Variants in CUX1 observed in about 807,000 individuals in gnomAD.
CUX1 encodes cut like homeobox 1.
CUX1 carries 31 observed loss-of-function variants against 158.8 expected under a neutral mutation model. That is an observed-to-expected ratio of 0.20 (90% CI 0.15 to 0.26). The LOEUF is 0.26. Among genes scored for constraint, CUX1 ranks in the 10% least tolerant of loss-of-function variants. CUX1 has a pLI of 1.00. For missense variants in CUX1, 1,589 were observed against 2,014.6 expected, an observed-to-expected ratio of 0.79 and a Z score of 4.04; for synonymous variants, 879 against 862.1, an observed-to-expected ratio of 1.02 and a Z score of -0.34.
intron 1 of CUX1, among the ~76,000 whole-genome samples, chr7:101,865,673 G>A (rs1420916447): frequency 1.3e-5 from 2 of 152,222 alleles, no homozygotes; most frequent in African/African-American, 2.4e-5. Flanking sequence ...TGTGAACGCC[G>A]AAGGGTGTGC....
intron 1 of CUX1, among the ~76,000 whole-genome samples, chr7:101,840,983 T>G (rs1475733355): frequency 6.6e-6 from 1 of 152,066 alleles, no homozygotes. Flanking sequence ...AACCTCTGCC[T>G]CCCGGGTTCA....
intron 20 of CUX1, among the ~76,000 whole-genome samples, chr7:102,219,165 T>A (rs782514001): frequency 6.6e-6 from 1 of 151,778 alleles, no homozygotes; most frequent in Non-Finnish European, 1.5e-5. Context: ...GAGTTCATCT[T>A]ATCCTATTCT....
chr7:102,076,388 T>G (rs1008559445), intron 4 of CUX1, among the ~76,000 whole-genome samples: 2 of 146,204 alleles, frequency 1.4e-5, no homozygotes, highest in African/African-American at 4.9e-5. Context: ...GTCTAAAAAA[T>G]AAATAAAATT....
At chr7:102,005,874 A>G (rs1817301384) in intron 2 of CUX1, among the ~76,000 whole-genome samples, 3 of 152,204 alleles carry the variant, frequency 2.0e-5, no homozygotes, top group African/African-American at 7.2e-5. Context: ...GCAGCTCATT[A>G]GCATCCCAGG....
chr7:101,928,859 A>G, intron 2 of CUX1, among the ~76,000 whole-genome samples: 1 of 149,062 alleles, frequency 6.7e-6, no homozygotes, highest in East Asian at 2.0e-4. Context: ...TTTAGTAGAG[A>G]CGGGGTTTCA....
In CUX1 at chr7:101,836,832, C is replaced by T. The variant is rs556862916; in HGVS notation, c.30+19163C>T. On this transcript the variant is annotated intron_variant, in intron 1 of 23. Coordinates refer to ENST00000292535, the MANE Select transcript of CUX1 (RefSeq NM_181552.4). ...GAGAAGAGGCTGCCCCCACCTGCTA[C>T]CATCATCCCAGCATGGGTGCGGTGG... 5.9e-5 allele frequency among the ~76,000 whole-genome samples: 9 copies of T among 152,254 alleles called. No homozygotes were observed. In the East Asian group the frequency reaches 1.7e-3, roughly 29 times the overall value.
intron 3 of CUX1, among the ~76,000 whole-genome samples, chr7:102,041,868 C>T (rs1170478615): frequency 6.6e-6 from 1 of 151,996 alleles, no homozygotes; most frequent in Non-Finnish European, 1.5e-5. Context: ...GGGATTTTGC[C>T]ATGTTGGCCA....
In CUX1 at chr7:101,914,601, C is replaced by T. The variant is rs186548669; in HGVS notation, c.31-1514C>T. On this transcript the variant is annotated intron_variant, in intron 1 of 23. Transcript: ENST00000292535. Reference sequence around the variant, plus strand: ...GCAACCTCTGCCTCCCCGGTTCAAGCGATTCTCTTGCCTCAGCCTCCTGAG... The same window carrying T: ...GCAACCTCTGCCTCCCCGGTTCAAGTGATTCTCTTGCCTCAGCCTCCTGAG... 4.3e-3 allele frequency among the ~76,000 whole-genome samples: 649 copies of T among 151,782 alleles called. 6 individuals are homozygous for T. Among genetic ancestry groups the T allele is most frequent in the African/African-American group, 0.015 (630 of 41,378 alleles).
intron 2 of CUX1, among the ~76,000 whole-genome samples, chr7:102,005,687 C>G (rs758557766): frequency 2.6e-5 from 4 of 152,086 alleles, no homozygotes; most frequent in Admixed American, 6.6e-5. Flanking sequence ...AAAGCTTCAC[C>G]CCACTGATGC....
At chr7:102,131,605 A>G (rs1028092533) in intron 8 of CUX1, among the ~76,000 whole-genome samples, 4 of 151,950 alleles carry the variant, frequency 2.6e-5, no homozygotes, top group Non-Finnish European at 5.9e-5. Flanking sequence ...AGAAGCCAGT[A>G]GAATCAGAGC....
At chr7:102,088,186 C>T (rs983872697) in intron 4 of CUX1, among the ~76,000 whole-genome samples, 2 of 151,950 alleles carry the variant, frequency 1.3e-5, no homozygotes, top group African/African-American at 4.8e-5. Flanking sequence ...TTAGTAGAGA[C>T]GGGGTTTCTC....
At chr7:101,863,184 A>G (rs1797634151) in intron 1 of CUX1, among the ~76,000 whole-genome samples, 1 of 152,146 alleles carries the variant, frequency 6.6e-6, no homozygotes, top group Non-Finnish European at 1.5e-5. Context: ...GAAAAATGAC[A>G]AAGATTCATC....
In CUX1 at chr7:102,109,442, T is replaced by C. The variant is rs940175200; in HGVS notation, c.531-2256T>C. Among the ~76,000 whole-genome samples, 10 of 152,154 alleles carry C rather than the reference T, an allele frequency of 6.6e-5. No individual in the cohort carries two copies. The East Asian group carries it at 9.6e-4, about 15-fold the overall frequency. On this transcript the variant is annotated intron_variant, in intron 6 of 23. Transcript: ENST00000292535. ...ACACTTACATATTGTTGGTGGGAGTTTAAATTGGTGAAAGTTTTTTGTTGG... is the reference window on the plus strand; with the variant it reads ...ACACTTACATATTGTTGGTGGGAGTCTAAATTGGTGAAAGTTTTTTGTTGG...
chr7:102,260,227 GC>G (rs782639423), downstream of CUX1, among the ~76,000 whole-genome samples: 2 of 150,798 alleles, frequency 1.3e-5, no homozygotes, highest in Non-Finnish European at 3.0e-5. Context: ...CTCCCAAGTA[GC>G]TGGGACCACA....
intron 3 of CUX1, among the ~76,000 whole-genome samples, chr7:102,068,775 G>A (rs1236035741): frequency 6.6e-6 from 1 of 152,220 alleles, no homozygotes; most frequent in East Asian, 1.9e-4. Context: ...CTTTGCCTGA[G>A]CCAGTATGAC....
At chr7:102,115,595 C>T (rs992824273) in intron 8 of CUX1, 2 of 236,882 alleles carry the variant, frequency 8.4e-6, no homozygotes, top group African/African-American at 2.3e-5. Flanking sequence ...ATGTCTTTTT[C>T]GCTGGGCCAC....
intron 3 of CUX1, among the ~76,000 whole-genome samples, chr7:102,033,944 G>A (rs1473355579): frequency 2.0e-5 from 3 of 151,884 alleles, no homozygotes; most frequent in East Asian, 1.9e-4. Context: ...TTGGGAGATC[G>A]AGACCAGCCT....
At position 102,250,898 on chromosome 7, in the gene CUX1, C is replaced by T; in HGVS notation, c.*1856C>T. On this transcript the variant is annotated 3_prime_UTR_variant, in exon 24 of 24. Coordinates refer to ENST00000292535, the MANE Select transcript of CUX1 (RefSeq NM_181552.4). ...TAAGCTGTTTTATCAGTTACGGCTTCTACAAGTTTGCTAATTTAGACTTCT... is the reference window on the plus strand; with the variant it reads ...TAAGCTGTTTTATCAGTTACGGCTTTTACAAGTTTGCTAATTTAGACTTCT... 1.0e-6 allele frequency: 1 copy of T among 985,288 alleles called. No individual in the cohort carries two copies. Among genetic ancestry groups the T allele is most frequent in the Non-Finnish European group, 1.2e-6 (1 of 829,900 alleles). 61.0% of individuals were successfully genotyped at this position (985,288 alleles called of 1,614,324 possible).
chr7:101,986,712 G>C lies in CUX1; in HGVS notation c.142-41386G>C, dbSNP rs569063883. Among the ~76,000 whole-genome samples, 12 of 152,350 alleles carry C rather than the reference G, an allele frequency of 7.9e-5. No homozygotes were observed. The East Asian group carries it at 2.3e-3, about 29-fold the overall frequency. On this transcript the variant is annotated intron_variant, in intron 2 of 23. Coordinates refer to ENST00000292535, the MANE Select transcript of CUX1 (RefSeq NM_181552.4). ...AAGTGTTAACTGGTGGTGGTTTGGA[G>C]ACGAGAGGAAATGGACCGTAAGGAC...
Sources: allele counts gnomAD v4.1 joint callset (sites outside exome capture counted in the v4.1 genomes callset), GRCh38; gene constraint gnomAD v4.1.1; transcripts MANE v1.5; gene names NCBI Gene and HGNC (gene_info 2026-07-23, HGNC 2026-07-21).